SLC24A2: variants seen among roughly 807,000 people sequenced by gnomAD.
The protein encoded by SLC24A2 is solute carrier family 24 member 2.
SLC24A2 carries 36 observed loss-of-function variants against 62.0 expected under a neutral mutation model. That is an observed-to-expected ratio of 0.58 (90% CI 0.44 to 0.77). SLC24A2 has a LOEUF of 0.77. Among genes scored for constraint, SLC24A2 ranks in the 30% least tolerant of loss-of-function variants. The pLI is 0.00. For synonymous variants in SLC24A2, 358 were observed against 294.0 expected (o/e 1.22, Z -2.23); for missense variants, 846 against 817.9 (o/e 1.03, Z -0.42).
the SLC24A2 span, among the ~76,000 whole-genome samples, chr9:19,984,656 A>C: frequency 3.9e-5 from 6 of 152,278 alleles, no homozygotes; most frequent in South Asian, 1.2e-3. Context: ...CAGTGAGCTG[A>C]GATCATGCCA....
At chr9:20,003,302 T>C in the SLC24A2 span, among the ~76,000 whole-genome samples, 2 of 152,078 alleles carry the variant, frequency 1.3e-5, no homozygotes, top group Non-Finnish European at 2.9e-5. Context: ...TAGCCACATA[T>C]CCACAAGTCA....
the SLC24A2 span, among the ~76,000 whole-genome samples, chr9:20,132,255 T>C: frequency 6.6e-6 from 1 of 151,950 alleles, no homozygotes; most frequent in Non-Finnish European, 1.5e-5. Flanking sequence ...AAAAGAAAAA[T>C]CAGCACACCC....
chr9:20,120,599 A>G, the SLC24A2 span, among the ~76,000 whole-genome samples: 2 of 152,170 alleles, frequency 1.3e-5, no homozygotes, highest in Admixed American at 6.6e-5. Context: ...TCTATTGAGT[A>G]CTATGTTGAT....
At chr9:19,707,861 C>G (rs1395904210) in intron 2 of SLC24A2, among the ~76,000 whole-genome samples, 3 of 152,114 alleles carry the variant, frequency 2.0e-5, no homozygotes, top group Non-Finnish European at 4.4e-5. Context: ...GGGATGCCCT[C>G]TCTCACCACT....
the SLC24A2 span, among the ~76,000 whole-genome samples, chr9:19,958,629 G>C: frequency 6.6e-6 from 1 of 152,206 alleles, no homozygotes; most frequent in Non-Finnish European, 1.5e-5. Context: ...CAATCTCTCT[G>C]AGGCTGTTTC....
intron 2 of SLC24A2, among the ~76,000 whole-genome samples, chr9:19,657,320 A>G (rs1447869643): frequency 6.7e-6 from 1 of 150,294 alleles, no homozygotes; most frequent in Non-Finnish European, 1.5e-5. Flanking sequence ...TTCTCCCACA[A>G]TCTGATTTAT....
the SLC24A2 span, among the ~76,000 whole-genome samples, chr9:20,275,916 G>C: frequency 2.0e-5 from 3 of 152,126 alleles, no homozygotes; most frequent in African/African-American, 7.2e-5. Context: ...ATTCACTATC[G>C]TGAGAACAGC....
chr9:19,652,062 G>A (rs906763664), intron 2 of SLC24A2, among the ~76,000 whole-genome samples: 1 of 152,170 alleles, frequency 6.6e-6, no homozygotes, highest in African/African-American at 2.4e-5. Flanking sequence ...TAAGTGTTCT[G>A]CATAGAGAGG....
chr9:19,846,895 G>A, the SLC24A2 span, among the ~76,000 whole-genome samples: 35 of 152,170 alleles, frequency 2.3e-4, no homozygotes, highest in African/African-American at 8.4e-4. Context: ...GGTGGTGCAT[G>A]CCTGTGGTCC....
At chr9:19,980,460 T>A in the SLC24A2 span, among the ~76,000 whole-genome samples, 2 of 152,118 alleles carry the variant, frequency 1.3e-5, no homozygotes, top group African/African-American at 4.8e-5. Flanking sequence ...GGAAAGCTGG[T>A]AGAGTTAGAG....
chr9:19,756,858 A>G (rs1436488211), intron 2 of SLC24A2, among the ~76,000 whole-genome samples: 1 of 150,564 alleles, frequency 6.6e-6, no homozygotes, highest in East Asian at 1.9e-4. Context: ...TGACATCAGA[A>G]ATGTATAAAA....
At position 19,513,617 on chromosome 9, in the gene SLC24A2, G is replaced by C. The variant is rs1377251937; in HGVS notation, c.*2536C>G. On this transcript the variant is annotated 3_prime_UTR_variant, in exon 11 of 11. Transcript: ENST00000341998. ...TTGATCAGCCTTCACTGTAAGCTGG[G>C]AATAAATGGGAGGGAGTGAGGAGGC... 3 of 152,264 alleles carry C rather than the reference G, an allele frequency of 2.0e-5. No individual in the cohort carries two copies. In the East Asian group the frequency reaches 5.8e-4, roughly 29 times the overall value. 9.4% of individuals were successfully genotyped at this position (152,264 alleles called of 1,614,324 possible). A position where few individuals can be genotyped will look rare whatever the true frequency, so the allele number is the denominator to read the frequency against.
the SLC24A2 span, among the ~76,000 whole-genome samples, chr9:20,036,241 T>C: frequency 4.6e-5 from 7 of 152,326 alleles, no homozygotes; most frequent in Non-Finnish European, 1.0e-4. Context: ...AGGCACAAAG[T>C]GATGCTATGA....
the SLC24A2 span, among the ~76,000 whole-genome samples, chr9:20,270,529 CT>C: frequency 6.6e-6 from 1 of 152,178 alleles, no homozygotes; most frequent in African/African-American, 2.4e-5. Context: ...AAGCCTTTAG[CT>C]GTTTCTTGGT....
At chr9:20,000,038 G>C in the SLC24A2 span, among the ~76,000 whole-genome samples, 1 of 152,050 alleles carries the variant, frequency 6.6e-6, no homozygotes, top group Non-Finnish European at 1.5e-5. Context: ...CAGTCTTTGG[G>C]GTTACACAGA....
the SLC24A2 span, among the ~76,000 whole-genome samples, chr9:20,211,917 A>G: frequency 6.6e-6 from 1 of 152,184 alleles, no homozygotes; most frequent in Non-Finnish European, 1.5e-5. Context: ...ATAGAAAATG[A>G]ACTTTCTAGA....
chr9:19,920,151 C>T, the SLC24A2 span, among the ~76,000 whole-genome samples: 1 of 151,798 alleles, frequency 6.6e-6, no homozygotes, highest in Non-Finnish European at 1.5e-5. Context: ...GAAGTTTCTG[C>T]TAAGAAAATT....
the SLC24A2 span, among the ~76,000 whole-genome samples, chr9:20,163,536 C>T: frequency 6.6e-6 from 1 of 152,002 alleles, no homozygotes; most frequent in African/African-American, 2.4e-5. Context: ...GAATCAATAC[C>T]ATGAAAATGG....
chr9:19,563,816 T>TCCTCCCTC, intron 7 of SLC24A2, among the ~76,000 whole-genome samples: 1 of 106,758 alleles, frequency 9.4e-6, no homozygotes, highest in East Asian at 3.9e-4. Flanking sequence ...CTTCCTTCCT[T>TCCTCCCTC]CCTTCCTTCC....
Sources: allele counts gnomAD v4.1 joint callset (sites outside exome capture counted in the v4.1 genomes callset), GRCh38; gene constraint gnomAD v4.1.1; transcripts MANE v1.5; gene names NCBI Gene and HGNC (gene_info 2026-07-23, HGNC 2026-07-21).